SIRPG: variants seen among roughly 807,000 people sequenced by gnomAD.
SIRPG encodes the protein signal-regulatory protein gamma.
A neutral mutation model predicts 35.7 loss-of-function variants in SIRPG; 38 were observed. That is an observed-to-expected ratio of 1.06 (90% CI 0.82 to 1.40). The LOEUF (loss-of-function observed/expected upper bound fraction) is 1.40. SIRPG is among the 40% of genes most tolerant of loss of function. The pLI, the probability that SIRPG is intolerant of heterozygous loss-of-function variation, is 0.00. For synonymous variants in SIRPG, 215 were observed against 190.4 expected, an observed-to-expected ratio of 1.13 and a Z score of -1.06; for missense variants, 519 against 483.0, an observed-to-expected ratio of 1.07 and a Z score of -0.70.
In SIRPG at chr20:1,642,353, G is replaced by A. The variant is rs6110757; in HGVS notation, c.431-5848C>T. On this transcript the variant is annotated intron_variant, in intron 2 of 5. Transcript: ENST00000303415. ...TTCTTTGTCTTTTTTGATCTTTGTT[G>A]GTTTAAAGTTTGTTTTGTCAGGGAC... Among the ~76,000 whole-genome samples, 3 of 152,156 alleles carry A rather than the reference G, an allele frequency of 2.0e-5. No individual in the cohort carries two copies. In the East Asian group the frequency reaches 5.8e-4, roughly 29 times the overall value.
intron 1 of SIRPG, among the ~76,000 whole-genome samples, chr20:1,650,441 T>C (rs973466479): frequency 1.3e-5 from 2 of 151,970 alleles, no homozygotes; most frequent in African/African-American, 4.8e-5. Context: ...AACTTAGAAG[T>C]TGAAAATACA....
At chr20:1,663,441 G>A in the SIRPG span, among the ~76,000 whole-genome samples, 1 of 152,226 alleles carries the variant, frequency 6.6e-6, no homozygotes, top group Non-Finnish European at 1.5e-5. Flanking sequence ...AAGCACGCAG[G>A]TTATAAATAT....
At chr20:1,680,326 T>C in the SIRPG span, among the ~76,000 whole-genome samples, 2 of 152,184 alleles carry the variant, frequency 1.3e-5, no homozygotes, top group Non-Finnish European at 2.9e-5. Flanking sequence ...AAATGACTGG[T>C]TACCTACTGG....
chr20:1,656,941 C>G (rs2091979701), intron 1 of SIRPG, among the ~76,000 whole-genome samples: 1 of 152,064 alleles, frequency 6.6e-6, no homozygotes, highest in African/African-American at 2.4e-5. Flanking sequence ...ATAAATAACT[C>G]CCGCAAGCTT....
At chr20:1,637,855 A>G (rs1600202431) in intron 2 of SIRPG, 1 of 152,344 alleles carries the variant, frequency 6.6e-6, no homozygotes, top group East Asian at 1.9e-4. Flanking sequence ...AATCAGAAAA[A>G]TGAGGGTAGT....
chr20:1,660,164 C>A (rs2091992471), upstream of SIRPG, among the ~76,000 whole-genome samples: 1 of 151,962 alleles, frequency 6.6e-6, no homozygotes, highest in Admixed American at 6.6e-5. Flanking sequence ...TAACAACAAC[C>A]ATCTTGAAAA....
chr20:1,665,602 C>T, the SIRPG span, among the ~76,000 whole-genome samples: 1 of 152,150 alleles, frequency 6.6e-6, no homozygotes, highest in African/African-American at 2.4e-5. Context: ...GTGCCAGGCT[C>T]TCCTACTGGA....
At chr20:1,652,454 T>C (rs1297647165) in intron 1 of SIRPG, among the ~76,000 whole-genome samples, 1 of 152,214 alleles carries the variant, frequency 6.6e-6, no homozygotes, top group African/African-American at 2.4e-5. Context: ...CTCAACCAAA[T>C]ACTAGCTAAC....
chr20:1,674,089 G>C, the SIRPG span, among the ~76,000 whole-genome samples: 14 of 152,312 alleles, frequency 9.2e-5, no homozygotes, highest in South Asian at 2.5e-3. Flanking sequence ...CACAATGGAG[G>C]ACCACTTTTG....
intron 4 of SIRPG, 30 bp downstream of exon 4, chr20:1,635,237 A>G (rs62186949): frequency 0.13 from 196,509 of 1,539,706 alleles, 13,982 homozygotes; most frequent in African/African-American, 0.24. Context: ...AGAGAAAAAG[A>G]CAAAATTTAA....
chr20:1,666,034 G>A, the SIRPG span, among the ~76,000 whole-genome samples: 3 of 151,968 alleles, frequency 2.0e-5, no homozygotes, highest in Non-Finnish European at 4.4e-5. Context: ...AGATGCGAAG[G>A]TGGAAGACAG....
chr20:1,642,144 C>G (rs1377180966), intron 2 of SIRPG, among the ~76,000 whole-genome samples: 1 of 152,112 alleles, frequency 6.6e-6, no homozygotes, highest in Non-Finnish European at 1.5e-5. Flanking sequence ...CCCTGAATAT[C>G]CTTATTAATT....
At chr20:1,655,007 C>T (rs1485000331) in intron 1 of SIRPG, among the ~76,000 whole-genome samples, 1 of 152,086 alleles carries the variant, frequency 6.6e-6, no homozygotes, top group East Asian at 1.9e-4. Flanking sequence ...TTAAGAATGG[C>T]TATTATCAAA....
At chr20:1,678,369 A>G in the SIRPG span, among the ~76,000 whole-genome samples, 1 of 152,258 alleles carries the variant, frequency 6.6e-6, no homozygotes, top group Non-Finnish European at 1.5e-5. Context: ...GTAACAAAAT[A>G]AGAACTGTAA....
At chr20:1,671,483 C>A in the SIRPG span, among the ~76,000 whole-genome samples, 8 of 152,232 alleles carry the variant, frequency 5.3e-5, no homozygotes, top group Non-Finnish European at 1.2e-4. Context: ...CTGGTCCTAG[C>A]CTGCCTCCCC....
the SIRPG span, among the ~76,000 whole-genome samples, chr20:1,685,457 G>A: frequency 6.6e-6 from 1 of 152,104 alleles, no homozygotes; most frequent in African/African-American, 2.4e-5. Context: ...GGAAGAACAC[G>A]TAATAAGACA....
chr20:1,643,787 C>T (rs2091875248), intron 2 of SIRPG, among the ~76,000 whole-genome samples: 1 of 152,054 alleles, frequency 6.6e-6, no homozygotes, highest in Admixed American at 6.6e-5. Context: ...GCTGTTGTTG[C>T]CTTCTGTTTG....
chr20:1,676,289 C>A, the SIRPG span, among the ~76,000 whole-genome samples: 3 of 152,306 alleles, frequency 2.0e-5, no homozygotes, highest in Non-Finnish European at 4.4e-5. Context: ...AGCAATGCCA[C>A]CTCCAGTGGG....
At chr20:1,650,290 C>G (rs550635808) in intron 1 of SIRPG, among the ~76,000 whole-genome samples, 1 of 151,876 alleles carries the variant, frequency 6.6e-6, no homozygotes, top group African/African-American at 2.4e-5. Flanking sequence ...TGACACTAGA[C>G]CCAGTATTAA....
Sources: allele counts gnomAD v4.1 joint callset (sites outside exome capture counted in the v4.1 genomes callset), GRCh38; gene constraint gnomAD v4.1.1; transcripts MANE v1.5; gene names NCBI Gene and HGNC (gene_info 2026-07-23, HGNC 2026-07-21).